The following USH2A variants were observed in gnomAD, a reference collection of about 807,000 sequenced individuals.
USH2A encodes the protein usherin.
A neutral mutation model predicts 538.9 loss-of-function variants in USH2A; 443 were observed. The observed-to-expected ratio is 0.82, with a 90% CI of 0.76 to 0.89. The LOEUF is 0.89. Ranked by LOEUF, USH2A falls within the 40% of genes least tolerant of loss-of-function variation. The probability of loss-of-function intolerance (pLI) is 0.00; values close to 1 mark genes in which losing one functional copy is unlikely to be tolerated. For synonymous variants in USH2A, 2,413 were observed against 2,273.5 expected (o/e 1.06, Z -1.75); for missense variants, 6,633 against 6,324.8 (o/e 1.05, Z -1.65).
chr1:215,750,017 G>T (rs1660577711), intron 58 of USH2A, among the ~76,000 whole-genome samples: 1 of 152,004 alleles, frequency 6.6e-6, no homozygotes, highest in Non-Finnish European at 1.5e-5. Flanking sequence ...CACAGCAGGT[G>T]CATACTTTAC....
At chr1:216,033,599 C>T (rs1669177348) in intron 32 of USH2A, among the ~76,000 whole-genome samples, 1 of 152,150 alleles carries the variant, frequency 6.6e-6, no homozygotes, top group South Asian at 2.1e-4. Context: ...AGGGCAACAG[C>T]AGTTTGGATT....
chr1:216,226,954 G>A (rs957930181), intron 14 of USH2A, among the ~76,000 whole-genome samples: 2 of 152,172 alleles, frequency 1.3e-5, no homozygotes, highest in African/African-American at 4.8e-5. Flanking sequence ...GTCTAAGATA[G>A]ATATCAATGC....
chr1:215,780,186 AT>A (rs967303192), intron 54 of USH2A, 145 bp from the exon 55 acceptor site: 12 of 903,838 alleles, frequency 1.3e-5, no homozygotes, highest in Non-Finnish European at 1.7e-5. Context: ...CTTTTTTTTC[AT>A]TTTTTTCCCT....
intron 27 of USH2A, among the ~76,000 whole-genome samples, chr1:216,076,075 C>T (rs975612521): frequency 1.3e-5 from 2 of 152,162 alleles, no homozygotes; most frequent in African/African-American, 2.4e-5. Context: ...CCGTATAAAA[C>T]ATGCAGCTAT....
chr1:216,176,553 A>C (rs1285375437), intron 20 of USH2A, among the ~76,000 whole-genome samples: 1 of 152,162 alleles, frequency 6.6e-6, no homozygotes, highest in Non-Finnish European at 1.5e-5. Flanking sequence ...ATCTGCATTG[A>C]CACATCATTT....
At chr1:215,940,948 T>C (rs1228523538) in intron 37 of USH2A, among the ~76,000 whole-genome samples, 1 of 151,558 alleles carries the variant, frequency 6.6e-6, no homozygotes, top group Non-Finnish European at 1.5e-5. Context: ...TCTATAGATA[T>C]CGAGAATCTT....
intron 47 of USH2A, among the ~76,000 whole-genome samples, chr1:215,825,880 A>G (rs1245333231): frequency 4.6e-5 from 7 of 152,200 alleles, no homozygotes; most frequent in Admixed American, 3.9e-4. Flanking sequence ...AAAAGTCAAA[A>G]TGCAAAACCC....
At chr1:215,972,519 G>A (rs1230053955) in intron 35 of USH2A, among the ~76,000 whole-genome samples, 2 of 152,082 alleles carry the variant, frequency 1.3e-5, no homozygotes, top group Non-Finnish European at 2.9e-5. Flanking sequence ...AACACCTTGA[G>A]AACAACCTAC....
At chr1:216,271,727 G>C (rs1000615103) in intron 11 of USH2A, among the ~76,000 whole-genome samples, 2 of 152,030 alleles carry the variant, frequency 1.3e-5, no homozygotes, top group African/African-American at 4.8e-5. Flanking sequence ...TCATGAAAGT[G>C]TTTTGAATTC....
At chr1:216,011,267 A>G (rs1365506296) in intron 32 of USH2A, among the ~76,000 whole-genome samples, 2 of 152,164 alleles carry the variant, frequency 1.3e-5, no homozygotes, top group African/African-American at 4.8e-5. Flanking sequence ...TTTCTTTACT[A>G]TTCCTTTGCA....
intron 44 of USH2A, among the ~76,000 whole-genome samples, chr1:215,856,832 GGTGTGTGTGTGTGTGTGTGTGT>G (rs71159889): frequency 6.3e-5 from 9 of 141,998 alleles, no homozygotes; most frequent in East Asian, 2.1e-4. Context: ...AAAAAAATTT[GGTGTGTGTGTGTGTGTGTGTGT>G]GTGTGTGTGT....
At chr1:215,814,115 C>CTT (rs2102793489) in intron 48 of USH2A, among the ~76,000 whole-genome samples, 1 of 149,418 alleles carries the variant, frequency 6.7e-6, no homozygotes, top group African/African-American at 2.4e-5. Flanking sequence ...AAGTCTTCAA[C>CTT]CATGCTTTGT....
chr1:215,858,279 A>G (rs1341216652), intron 44 of USH2A, among the ~76,000 whole-genome samples: 2 of 151,860 alleles, frequency 1.3e-5, no homozygotes, highest in African/African-American at 2.4e-5. Context: ...TATCAAGTTA[A>G]TCTCTGATAT....
chr1:215,860,861 T>C (rs1479488457), intron 44 of USH2A, among the ~76,000 whole-genome samples: 4 of 152,198 alleles, frequency 2.6e-5, no homozygotes, highest in African/African-American at 9.7e-5. Context: ...TGTAAAAACC[T>C]GGAAGGACCT....
Position 215,703,984 on chromosome 1 carries a change from G to A in USH2A, c.12067-23608C>T, listed in dbSNP as rs577904918. 1.5e-4 allele frequency among the ~76,000 whole-genome samples: 23 copies of A among 152,332 alleles called. No individual in the cohort carries two copies. The South Asian group carries it at 1.9e-3, about 12-fold the overall frequency. On this transcript the variant is annotated intron_variant, in intron 61 of 71. Coordinates refer to ENST00000307340, the MANE Select transcript of USH2A (RefSeq NM_206933.4). ...AATCTCCTGGTCTGTGGGTTGTGACGACTGTAGGAAAAGTGTAGTATCTGG... is the reference window on the plus strand; with the variant it reads ...AATCTCCTGGTCTGTGGGTTGTGACAACTGTAGGAAAAGTGTAGTATCTGG...
intron 58 of USH2A, among the ~76,000 whole-genome samples, chr1:215,753,560 G>C (rs1430234581): frequency 2.0e-5 from 3 of 151,660 alleles, no homozygotes; most frequent in Non-Finnish European, 4.4e-5. Context: ...CTATCACAAG[G>C]ACAAAAAACC....
In USH2A at chr1:215,965,367, C is replaced by A; in HGVS notation, c.7070G>T (p.Gly2357Val). ...VRWEAPFRPN[G>V]LLTHSVLFTG... is the part of the protein sequence containing the mutation. Reference sequence around the variant, plus strand: ...GAAAAGGACTGAGTGTGTTAAGAGTCCATTAGGGCGAAAAGGTGCTTCCCA... The same window carrying A: ...GAAAAGGACTGAGTGTGTTAAGAGTACATTAGGGCGAAAAGGTGCTTCCCA... The change falls in exon 37 of 72, where the codon GGA (glycine) becomes GTA (valine). Residue 2357 changes from glycine (G) to valine (V), a missense_variant. Transcript: ENST00000307340. 1.2e-6 allele frequency: 2 copies of A among 1,613,852 alleles called. No homozygotes were observed. Among genetic ancestry groups the A allele is most frequent in the South Asian group, 1.1e-5 (1 of 91,076 alleles).
At chr1:216,050,607 T>TCTTTCTTTCTTTCTTTCTTTC (rs1553294758) in intron 30 of USH2A, among the ~76,000 whole-genome samples, 26 of 59,178 alleles carry the variant, frequency 4.4e-4, no homozygotes, top group African/African-American at 1.2e-3. Context: ...TTTCTTTCTT[T>TCTTTCTTTCTTTCTTTCTTTC]TTTTTTTTTT....
At chr1:215,652,086 A>G (rs1421532093) in intron 64 of USH2A, among the ~76,000 whole-genome samples, 1 of 152,248 alleles carries the variant, frequency 6.6e-6, no homozygotes, top group East Asian at 1.9e-4. Context: ...ACATTTGTAT[A>G]AACTCTACAT....
Sources: gnomAD v4.1 joint callset for allele counts (sites outside exome capture counted in the v4.1 genomes callset) on GRCh38, gnomAD v4.1.1 for gene constraint, MANE v1.5 for transcripts, NCBI Gene and HGNC (gene_info 2026-07-23, HGNC 2026-07-21) for gene names.